Variants in NPR2 observed in about 807,000 individuals in gnomAD.
The protein encoded by NPR2 is natriuretic peptide receptor 2, also known as atrial natriuretic peptide receptor 2.
NPR2 carries 49 observed loss-of-function variants against 120.7 expected under a neutral mutation model. That is an observed-to-expected ratio of 0.41 (90% CI 0.32 to 0.52). The LOEUF is 0.52. NPR2 is among the 20% of genes least tolerant of loss of function. NPR2 has a pLI of 0.36. For synonymous variants in NPR2, 484 were observed against 519.8 expected (o/e 0.93, Z 0.94); for missense variants, 931 against 1,362.9 (o/e 0.68, Z 4.99).
chr9:35,792,880 G>C lies in NPR2; in HGVS notation c.472G>C (p.Gly158Arg). ...KLGEFVVTLH[G>R]HFNWTARAAL... ...GGGTGAGTTTGTGGTGACACTACAC[G>C]GGCACTTCAATTGGACTGCCCGTGC... is the stretch of plus-strand genomic sequence containing the variant. The change falls in exon 1 of 22, where the codon GGG (glycine) becomes CGG (arginine). Residue 158 changes from glycine to arginine, a missense_variant. By Grantham distance (125) the Gly-to-Arg change is moderately radical. This residue lies in a region of NPR2 where 681 missense variants were observed against 974.3 expected (regional missense o/e 0.70). Transcript: ENST00000342694. The C allele has an allele frequency of 1.2e-6, 2 of 1,614,068 alleles. No individual in the cohort carries two copies.
chr9:35,807,931 A>G (rs370183833), intron 18 of NPR2: 27 of 523,826 alleles, frequency 5.2e-5, no homozygotes, highest in Admixed American at 2.5e-4. Context: ...GGAATAATAG[A>G]TTCGTTGTAT....
rs549843346 is a variant in NPR2 at position 35,802,295 on chromosome 9, A to AGGAT, written c.1710+16_1710+19dup. 4.6e-5 allele frequency: 69 copies of AGGAT among 1,492,852 alleles called. No individual in the cohort carries two copies. The African/African-American group carries it at 5.5e-4, about 12-fold the overall frequency. The allele number at this position is 1,492,852 out of a possible 1,614,324, so 92.5% of individuals were successfully genotyped here. A position where few individuals can be genotyped will look rare whatever the true frequency, so the allele number is the denominator to read the frequency against. On this transcript the variant is annotated intron_variant, in intron 10 of 21. Transcript: ENST00000342694. This position sits in a 1 kb window ranked among gnomAD's most constrained non-coding sequence, Gnocchi z 4.2. ...TTGAACTCAAACATGTATGTAACAG[A>AGGAT]GGATGGACTCTAACATGTATGTAAT...
rs759447488 is a variant in NPR2 at position 35,801,639 on chromosome 9, A to T, written c.1437-4A>T. On this transcript the variant is annotated splice_polypyrimidine_tract_variant and splice_region_variant and intron_variant, in intron 7 of 21. Transcript: ENST00000342694. ...CAGTCAACTGAGGTGTGCAGTCCTT[A>T]CAGAAAGCTGATGCTGGAGAAGGAG... The T allele has an allele frequency of 1.2e-6, 2 of 1,614,158 alleles. No individual in the cohort carries two copies. Among genetic ancestry groups the T allele is most frequent in the Non-Finnish European group, 1.7e-6 (2 of 1,179,990 alleles).
At position 35,794,028 on chromosome 9, in the gene NPR2, C is replaced by T. The variant is rs1827869654; in HGVS notation, c.798C>T (p.Pro266=). ...TTGGGGAGAGTCTCCGTGCAGGCCC[C>T]ACACGTGCTACAGGCCGGCCCTGGC... ...DVFGESLRAG[P]TRATGRPWQD... The change falls in exon 2 of 22, where the codon CCC becomes CCT. Residue 266 remains proline (P), a synonymous_variant. Coordinates refer to ENST00000342694, the MANE Select transcript of NPR2 (RefSeq NM_003995.4). 6.2e-7 allele frequency: 1 copy of T among 1,614,220 alleles called. No individual in the cohort carries two copies. The highest frequency in any genetic ancestry group is 1.1e-5 in the South Asian group (1 of 91,086).
At chr9:35,793,620 G>A (rs1827854756) in intron 1 of NPR2, among the ~76,000 whole-genome samples, 1 of 152,164 alleles carries the variant, frequency 6.6e-6, no homozygotes, top group East Asian at 1.9e-4. Context: ...GTGGGGAGCA[G>A]CAAGGGAGGC....
In NPR2 at chr9:35,799,678, C is replaced by T. The variant is rs766889818; in HGVS notation, c.934C>T (p.Arg312Cys). ...PNPEYQEFQN[R>C]LLIRAREDFG... is the part of the protein sequence containing the mutation. ...TCCTGAGTATCAGGAATTCCAGAAT[C>T]GTCTGCTGATAAGAGCCCGGGAAGA... The change falls in exon 3 of 22, where the codon CGT becomes TGT. Residue 312 changes from arginine (R) to cysteine (C), a missense_variant. Physicochemically the swap from Arg to Cys is radical, Grantham distance 180 (BLOSUM62 -3). Transcript: ENST00000342694. The T allele has an allele frequency of 2.5e-6, 4 of 1,614,000 alleles. No individual in the cohort carries two copies. Among genetic ancestry groups the T allele is most frequent in the Admixed American group, 1.7e-5 (1 of 60,016 alleles).
chr9:35,808,167 A>G lies in NPR2; in HGVS notation c.2713-342A>G. The G allele has an allele frequency of 1.2e-6, 2 of 1,609,448 alleles. No homozygotes were observed. The highest frequency in any genetic ancestry group is 1.7e-6 in the Non-Finnish European group (2 of 1,176,018). On this transcript the variant is annotated intron_variant, in intron 18 of 21. Coordinates refer to ENST00000342694, the MANE Select transcript of NPR2 (RefSeq NM_003995.4). This position sits in a 1 kb window ranked among gnomAD's most constrained non-coding sequence, Gnocchi z 4.0. ...AGGTCCATTTCACTGGGCCTGCTTT[A>G]CCTCCTCACCAGCCTCTGTCCTCTT...
At position 35,808,230 on chromosome 9, in the gene NPR2, G is replaced by A. The variant is rs772583673; in HGVS notation, c.2713-279G>A. ...TCTTGCTTCCCATTTCCTGATGGCA[G>A]AGCCTATTTGTCCATGTCCTGCTGC... On this transcript the variant is annotated intron_variant, in intron 18 of 21. Transcript: ENST00000342694. This position sits in a 1 kb window ranked among gnomAD's most constrained non-coding sequence, Gnocchi z 4.0. The A allele has an allele frequency of 5.6e-6, 9 of 1,614,156 alleles. No individual in the cohort carries two copies. The Admixed American group carries it at 6.7e-5, about 12-fold the overall frequency.
In NPR2 at chr9:35,792,879, C is replaced by T. The variant is rs140924915; in HGVS notation, c.471C>T (p.His157=). The T allele has an allele frequency of 1.1e-5, 18 of 1,614,050 alleles. No individual in the cohort carries two copies. Among genetic ancestry groups the T allele is most frequent in the South Asian group, 2.2e-5 (2 of 91,092 alleles). ...PKLGEFVVTL[H]GHFNWTARAA... is the part of the protein sequence containing the mutation. Reference sequence around the variant, plus strand: ...TGGGTGAGTTTGTGGTGACACTACACGGGCACTTCAATTGGACTGCCCGTG... The same window carrying T: ...TGGGTGAGTTTGTGGTGACACTACATGGGCACTTCAATTGGACTGCCCGTG... The change falls in exon 1 of 22, where the codon CAC becomes CAT. Residue 157 remains histidine, a synonymous_variant. Transcript: ENST00000342694.
At position 35,808,059 on chromosome 9, in the gene NPR2, T is replaced by C. The variant is rs112937032; in HGVS notation, c.2713-450T>C. 2.5e-5 allele frequency: 19 copies of C among 764,334 alleles called. No individual in the cohort carries two copies. Among genetic ancestry groups the C allele is most frequent in the Non-Finnish European group, 3.9e-5 (17 of 438,890 alleles). 47.3% of individuals were successfully genotyped at this position (764,334 alleles called of 1,614,324 possible). A position where few individuals can be genotyped will look rare whatever the true frequency, so the allele number is the denominator to read the frequency against. Reference sequence around the variant, plus strand: ...TTCACTGTGTATTTCCTTAAAACAATGGCATTTATTCTCTTACATAGCTTT... The same window carrying C: ...TTCACTGTGTATTTCCTTAAAACAACGGCATTTATTCTCTTACATAGCTTT... On this transcript the variant is annotated intron_variant, in intron 18 of 21. Coordinates refer to ENST00000342694, the MANE Select transcript of NPR2 (RefSeq NM_003995.4). This position sits in a 1 kb window ranked among gnomAD's most constrained non-coding sequence, Gnocchi z 4.0.
intron 12 of NPR2, among the ~76,000 whole-genome samples, chr9:35,804,583 A>G (rs1287043758): frequency 6.6e-6 from 1 of 152,112 alleles, no homozygotes; most frequent in African/African-American, 2.4e-5. Flanking sequence ...CCCTCTCTGG[A>G]CCCACAGAGC....
In NPR2 at chr9:35,809,227, CGG is replaced by C; in HGVS notation, c.3063_3064del (p.Asp1022CysfsTer35). 6.2e-7 allele frequency: 1 copy of C among 1,613,542 alleles called. No homozygotes were observed. Among genetic ancestry groups the C allele is most frequent in the Non-Finnish European group, 8.5e-7 (1 of 1,179,910 alleles). ...DELGCFQLEL[R>X]GDVEMKGKGK... ...GCTAGGATGCTTCCAGCTAGAGCTTCGGGGGGATGTGGAAATGAAGGTGATGG... is the reference window on the plus strand; with the variant it reads ...GCTAGGATGCTTCCAGCTAGAGCTTCGGGGATGTGGAAATGAAGGTGATGG... On this transcript the variant is annotated frameshift_variant, in exon 21 of 22. Coordinates refer to ENST00000342694, the MANE Select transcript of NPR2 (RefSeq NM_003995.4). LOFTEE classifies it high-confidence loss of function. This position sits in a 1 kb window ranked among gnomAD's most constrained non-coding sequence, Gnocchi z 4.1.
chr9:35,804,234 T>C (rs1588064006), intron 12 of NPR2, among the ~76,000 whole-genome samples: 1 of 3,420 alleles, frequency 2.9e-4, no homozygotes. Flanking sequence ...TCATTAAGAC[T>C]TTTTTTTTTT....
At position 35,792,435 on chromosome 9, in the gene NPR2, G is replaced by A; in HGVS notation, c.27G>A (p.Leu9=). The A allele has an allele frequency of 6.2e-7, 1 of 1,611,640 alleles. No individual in the cohort carries two copies. Among genetic ancestry groups the A allele is most frequent in the Non-Finnish European group, 8.5e-7 (1 of 1,179,810 alleles). ...TGGCGCTGCCATCACTTCTGCTGTT[G>A]GTGGCAGCCCTGGCAGGTGGGGTGC... MALPSLLL[L]VAALAGGVRP... The change falls in exon 1 of 22, where the codon TTG becomes TTA. Residue 9 remains leucine (L), a synonymous_variant. Transcript: ENST00000342694.
At position 35,792,152 on chromosome 9, in the gene NPR2, C is replaced by T. The variant is rs1827801051; in HGVS notation, c.-257C>T. ...TGGCCGCAGGCCCCCTCGGTCCCTC[C>T]CTCCCCCTGCCACCCCGTTCTCAGT... On this transcript the variant is annotated 5_prime_UTR_variant, in exon 1 of 22. Coordinates refer to ENST00000342694, the MANE Select transcript of NPR2 (RefSeq NM_003995.4). 1 of 528,186 alleles carries T rather than the reference C, an allele frequency of 1.9e-6. No individual in the cohort carries two copies. Among genetic ancestry groups the T allele is most frequent in the South Asian group, 2.2e-5 (1 of 45,578 alleles). 32.7% of individuals were successfully genotyped at this position (528,186 alleles called of 1,614,324 possible). A position where few individuals can be genotyped will look rare whatever the true frequency, so the allele number is the denominator to read the frequency against.
At chr9:35,799,290 T>C (rs1828048541) in intron 2 of NPR2, among the ~76,000 whole-genome samples, 1 of 152,114 alleles carries the variant, frequency 6.6e-6, no homozygotes, top group South Asian at 2.1e-4. Context: ...AAGGGAGCTC[T>C]GGAAGATGTT....
intron 2 of NPR2, 79 bp from the exon 3 acceptor site, chr9:35,799,539 T>C: frequency 9.4e-7 from 1 of 1,058,676 alleles, no homozygotes; most frequent in Non-Finnish European, 1.5e-6. Context: ...TTTTACCAAG[T>C]TTCCCTGTCC....
chr9:35,801,896 C>G (rs1828179877), intron 8 of NPR2, 30 bp from the exon 9 acceptor site: 1 of 1,612,116 alleles, frequency 6.2e-7, no homozygotes, highest in Non-Finnish European at 8.5e-7. Flanking sequence ...TCCTTTCATC[C>G]TTCCGCCTCC....
rs754926478 is a variant in NPR2 at position 35,802,173 on chromosome 9, C to T, written c.1633-33C>T. ...CCTTGTACCCAGAACTTCTGATATT[C>T]ACTTTCCTTTCCCCTTTCACTCCCA... On this transcript the variant is annotated intron_variant, in intron 9 of 21. Transcript: ENST00000342694. The surrounding 1 kb of genome is among the most constrained non-coding windows in gnomAD (Gnocchi z 4.2). The T allele has an allele frequency of 1.2e-5, 18 of 1,453,380 alleles. No homozygotes were observed. The East Asian group carries it at 4.1e-4, about 33-fold the overall frequency. 90.0% of individuals were successfully genotyped at this position (1,453,380 alleles called of 1,614,324 possible). A position where few individuals can be genotyped will look rare whatever the true frequency, so the allele number is the denominator to read the frequency against.
Sources: allele counts gnomAD v4.1 joint callset (sites outside exome capture counted in the v4.1 genomes callset), GRCh38; gene constraint gnomAD v4.1.1; regional missense constraint gnomAD v4.1.1; non-coding constraint Gnocchi (gnomAD v3.1); transcripts MANE v1.5; gene names NCBI Gene and HGNC (gene_info 2026-07-23, HGNC 2026-07-21).